GTF2I: variants seen among roughly 807,000 people sequenced by gnomAD.
GTF2I encodes general transcription factor II-I.
GTF2I carries 12 observed loss-of-function variants against 67.6 expected under a neutral mutation model. That is an observed-to-expected ratio of 0.18 (90% CI 0.11 to 0.29). The LOEUF (loss-of-function observed/expected upper bound fraction) is 0.29, where lower values mean the gene tolerates loss of function less well. Among genes scored for constraint, GTF2I ranks in the 10% least tolerant of loss-of-function variants. The pLI is 1.00. For missense variants in GTF2I, 271 were observed against 580.1 expected (o/e 0.47, Z 5.47); for synonymous variants, 149 against 197.0 (o/e 0.76, Z 2.04).
At chr7:74,705,256 A>G (rs781971057) in intron 7 of GTF2I, 38 bp downstream of exon 7, 1 of 1,264,362 alleles carries the variant, frequency 7.9e-7, no homozygotes, top group Admixed American at 1.7e-5. Context: ...TAACTCCCAC[A>G]CCTCAAAAAG....
At chr7:74,670,705 A>C (rs1046311622) in intron 1 of GTF2I, among the ~76,000 whole-genome samples, 50 of 151,712 alleles carry the variant, frequency 3.3e-4, no homozygotes, top group South Asian at 8.3e-4. Flanking sequence ...AAAACAAAAA[A>C]AAAACAAAAA....
chr7:74,709,608 G>T (rs1791246822), intron 8 of GTF2I, among the ~76,000 whole-genome samples: 1 of 151,958 alleles, frequency 6.6e-6, no homozygotes, highest in African/African-American at 2.4e-5. Flanking sequence ...TTTTATTCCT[G>T]AAGGGTCTGA....
chr7:74,723,123 GTTT>G (rs71098008), intron 12 of GTF2I, among the ~76,000 whole-genome samples: 1 of 132,210 alleles, frequency 7.6e-6, no homozygotes, highest in Non-Finnish European at 1.6e-5. Flanking sequence ...GGTGCTAAGA[GTTT>G]TTTTTTTTTT....
intron 18 of GTF2I, among the ~76,000 whole-genome samples, chr7:74,737,225 A>G (rs1794879711): frequency 6.7e-6 from 1 of 149,628 alleles, no homozygotes; most frequent in African/African-American, 2.4e-5. Context: ...AGAAAAATGC[A>G]ATGAAGTGTT....
chr7:74,722,640 G>T (rs1356366833), intron 12 of GTF2I: 1 of 152,012 alleles, frequency 6.6e-6, no homozygotes, highest in African/African-American at 2.4e-5. Flanking sequence ...TTCATTTTGT[G>T]ATGAATTTTA....
At chr7:74,696,345 T>G (rs1367881764) in intron 3 of GTF2I, among the ~76,000 whole-genome samples, 3 of 151,576 alleles carry the variant, frequency 2.0e-5, no homozygotes, top group East Asian at 1.9e-4. Context: ...CTTCTCTTTT[T>G]TTTTGAGACA....
intron 1 of GTF2I, among the ~76,000 whole-genome samples, chr7:74,688,204 G>A (rs1180188083): frequency 3.9e-5 from 6 of 151,952 alleles, no homozygotes; most frequent in African/African-American, 1.5e-4. Flanking sequence ...TCAGACTCTT[G>A]AGTAGCCGGG....
chr7:74,747,741 G>A (rs1264492589), intron 23 of GTF2I, among the ~76,000 whole-genome samples: 1 of 49,458 alleles, frequency 2.0e-5, no homozygotes, highest in African/African-American at 6.6e-5. Flanking sequence ...GTGGTGAGCC[G>A]AGATTGCGCC....
intron 1 of GTF2I, among the ~76,000 whole-genome samples, chr7:74,680,095 A>ATATATAT (rs1330438660): frequency 1.0e-4 from 10 of 98,448 alleles, no homozygotes; most frequent in South Asian, 2.9e-4. Context: ...AAAAAAAAAA[A>ATATATAT]AAAAATATAT....
chr7:74,694,607 GTC>G (rs1562955565), intron 3 of GTF2I, among the ~76,000 whole-genome samples: 1 of 152,130 alleles, frequency 6.6e-6, no homozygotes, highest in Non-Finnish European at 1.5e-5. Context: ...GAAAGACAGA[GTC>G]TCTATAACAT....
At chr7:74,695,191 C>T (rs587607019) in intron 3 of GTF2I, among the ~76,000 whole-genome samples, 3 of 152,136 alleles carry the variant, frequency 2.0e-5, no homozygotes, top group Non-Finnish European at 2.9e-5. Context: ...AGTGCAATGG[C>T]GCGATCTCAG....
intron 1 of GTF2I, among the ~76,000 whole-genome samples, chr7:74,686,576 G>A (rs1387874051): frequency 6.6e-6 from 1 of 152,190 alleles, no homozygotes; most frequent in Admixed American, 6.5e-5. Context: ...TAATGAAAGT[G>A]TACGCTAAGT....
chr7:74,660,183 T>C (rs1296166872), intron 1 of GTF2I, among the ~76,000 whole-genome samples: 1 of 149,892 alleles, frequency 6.7e-6, no homozygotes, highest in African/African-American at 2.4e-5. Flanking sequence ...GTCTTCTCTT[T>C]TTTTTTTTTT....
chr7:74,679,209 G>T lies in GTF2I; in HGVS notation c.-5-9915G>T, dbSNP rs587730628. On this transcript the variant is annotated intron_variant, in intron 1 of 34. Transcript: ENST00000573035. ...TTCTCCTGCCTCAGCCTCCTGAGTA[G>T]CTGGGATTACAGGCGCCCACCACAC... Among the ~76,000 whole-genome samples the T allele has an allele frequency of 2.0e-5, 3 of 151,984 alleles. No homozygotes were observed. The East Asian group carries it at 5.8e-4, about 29-fold the overall frequency.
intron 12 of GTF2I, among the ~76,000 whole-genome samples, chr7:74,720,658 TATTAAA>T (rs1412953394): frequency 6.6e-6 from 1 of 152,058 alleles, no homozygotes; most frequent in Non-Finnish European, 1.5e-5. Context: ...AATAGGAGGT[TATTAAA>T]ATTATAAAAA....
intron 1 of GTF2I, among the ~76,000 whole-genome samples, chr7:74,685,793 G>A (rs1787666280): frequency 1.3e-5 from 2 of 151,786 alleles, no homozygotes; most frequent in African/African-American, 2.4e-5. Context: ...AAGTCCGGGG[G>A]CGATGGCTCA....
At position 74,706,309 on chromosome 7, in the gene GTF2I, T is replaced by C. The variant is rs944649155; in HGVS notation, c.642-81T>C. ...TTGGTCAAGGGAGGGATCTTAACAC[T>C]TTGAGACCCAGAGACTTTGAATGCT... On this transcript the variant is annotated intron_variant, in intron 7 of 34. Coordinates refer to ENST00000573035, the MANE Select transcript of GTF2I (RefSeq NM_032999.4). 3 of 1,203,526 alleles carry C rather than the reference T, an allele frequency of 2.5e-6. No individual in the cohort carries two copies. The African/African-American group carries it at 4.5e-5, about 18-fold the overall frequency. 74.6% of individuals were successfully genotyped at this position (1,203,526 alleles called of 1,614,324 possible).
chr7:74,696,873 C>G (rs1788973170), intron 3 of GTF2I, among the ~76,000 whole-genome samples: 1 of 152,036 alleles, frequency 6.6e-6, no homozygotes, highest in African/African-American at 2.4e-5. Flanking sequence ...GGAAGGTAAT[C>G]AATAGGTTTA....
chr7:74,749,966 A>G (rs1584347132), intron 26 of GTF2I, among the ~76,000 whole-genome samples: 1 of 144,032 alleles, frequency 6.9e-6, no homozygotes, highest in Non-Finnish European at 1.5e-5. Flanking sequence ...ACTCCACCAT[A>G]CTAGAGAGAT....
Sources: allele counts gnomAD v4.1 joint callset (sites outside exome capture counted in the v4.1 genomes callset), GRCh38; gene constraint gnomAD v4.1.1; transcripts MANE v1.5; gene names NCBI Gene and HGNC (gene_info 2026-07-23, HGNC 2026-07-21).